Variants in PLD5 observed in about 807,000 individuals in gnomAD.
The protein encoded by PLD5 is phospholipase D family member 5.
PLD5 carries 36 observed loss-of-function variants against 61.1 expected under a neutral mutation model. The observed-to-expected ratio is 0.59, with a 90% CI of 0.45 to 0.78. The LOEUF (loss-of-function observed/expected upper bound fraction) is 0.78, where lower values mean the gene tolerates loss of function less well. Among genes scored for constraint, PLD5 ranks in the 30% least tolerant of loss-of-function variants. The pLI is 0.00. For synonymous variants in PLD5, 243 were observed against 242.8 expected (o/e 1.00, Z -0.01); for missense variants, 515 against 644.4 (o/e 0.80, Z 2.17).
intron 2 of PLD5, among the ~76,000 whole-genome samples, chr1:242,328,503 G>GTATGTGTTCTACATATT (rs1283978028): frequency 1.3e-5 from 2 of 152,010 alleles, no homozygotes; most frequent in African/African-American, 4.8e-5. Flanking sequence ...TTCTACATAT[G>GTATGTGTTCTACATATT]TATGTGTTCT....
At chr1:242,359,309 G>A (rs1310954168) in intron 1 of PLD5, among the ~76,000 whole-genome samples, 2 of 152,120 alleles carry the variant, frequency 1.3e-5, no homozygotes, top group Admixed American at 6.5e-5. Context: ...TTTTTTGACT[G>A]TAGAAACCAT....
intron 7 of PLD5, among the ~76,000 whole-genome samples, chr1:242,113,080 CTCTCTTTTTTT>C (rs1383454149): frequency 3.6e-5 from 4 of 110,556 alleles, no homozygotes; most frequent in Admixed American, 2.4e-4. Flanking sequence ...CTTTCTCTCT[CTCTCTTTTTTT>C]TTTTTTTTTT....
At chr1:242,458,754 G>C (rs996184171) in intron 1 of PLD5, among the ~76,000 whole-genome samples, 2 of 152,176 alleles carry the variant, frequency 1.3e-5, no homozygotes, top group African/African-American at 4.8e-5. Context: ...TTGTATACTT[G>C]TATTGACTCA....
At chr1:242,267,284 C>G (rs1223505687) in intron 3 of PLD5, among the ~76,000 whole-genome samples, 1 of 152,164 alleles carries the variant, frequency 6.6e-6, no homozygotes, top group African/African-American at 2.4e-5. Context: ...GCTGAGGTCA[C>G]AGCTGACAGC....
intron 2 of PLD5, among the ~76,000 whole-genome samples, chr1:242,314,285 C>G (rs571065198): frequency 3.3e-5 from 5 of 152,290 alleles, no homozygotes; most frequent in African/African-American, 1.2e-4. Context: ...AGCCAGATGG[C>G]TTTGCATTAA....
chr1:242,311,494 G>A (rs771968851), intron 2 of PLD5, among the ~76,000 whole-genome samples: 2 of 151,884 alleles, frequency 1.3e-5, no homozygotes, highest in Non-Finnish European at 2.9e-5. Flanking sequence ...GAGAACCACT[G>A]GTTAAGAGAA....
At chr1:242,130,328 A>G (rs1574355816) in intron 5 of PLD5, among the ~76,000 whole-genome samples, 1 of 152,328 alleles carries the variant, frequency 6.6e-6, no homozygotes, top group East Asian at 1.9e-4. Context: ...CTGGGATTAC[A>G]TGCATAAGCC....
intron 2 of PLD5, among the ~76,000 whole-genome samples, chr1:242,300,432 G>A (rs529959176): frequency 5.4e-5 from 8 of 147,566 alleles, no homozygotes; most frequent in South Asian, 2.3e-4. Context: ...GTGGGGTGGC[G>A]GGAGAGGAGG....
Position 242,245,579 on chromosome 1 carries a change from C to G in PLD5, c.607+19758G>C, listed in dbSNP as rs1672307606. 2.0e-5 allele frequency among the ~76,000 whole-genome samples: 3 copies of G among 152,312 alleles called. No homozygotes were observed. In the South Asian group the frequency reaches 6.2e-4, roughly 32 times the overall value. On this transcript the variant is annotated intron_variant, in intron 4 of 9. Transcript: ENST00000536534. ...CCTGTCAGAGTGAGTTAGGTCCTAT[C>G]TCTGCACACCTCCTCCTCAAAACTA...
At chr1:242,091,136 C>T (rs754585799) in intron 9 of PLD5, among the ~76,000 whole-genome samples, 5 of 152,042 alleles carry the variant, frequency 3.3e-5, no homozygotes, top group Non-Finnish European at 5.9e-5. Context: ...ACAAGGACAC[C>T]GGTCATATTA....
At chr1:242,294,921 T>A (rs1675564287) in intron 2 of PLD5, among the ~76,000 whole-genome samples, 1 of 152,236 alleles carries the variant, frequency 6.6e-6, no homozygotes, top group Non-Finnish European at 1.5e-5. Context: ...AAAGTGACTG[T>A]GAGCTTTCTT....
intron 5 of PLD5, among the ~76,000 whole-genome samples, chr1:242,140,603 C>T (rs1001999956): frequency 5.9e-5 from 9 of 152,154 alleles, no homozygotes; most frequent in Non-Finnish European, 1.3e-4. Context: ...CACCACCGCA[C>T]TCCAGCTTGA....
chr1:242,307,309 C>T (rs1676428392), intron 2 of PLD5, among the ~76,000 whole-genome samples: 1 of 151,924 alleles, frequency 6.6e-6, no homozygotes. Flanking sequence ...CATAAATACT[C>T]ATATAGTCAC....
At chr1:242,310,737 G>A (rs1676649746) in intron 2 of PLD5, among the ~76,000 whole-genome samples, 4 of 152,198 alleles carry the variant, frequency 2.6e-5, no homozygotes, top group African/African-American at 9.6e-5. Context: ...TGTGCTCCAA[G>A]TATGGCCAGG....
At chr1:242,511,240 T>C (rs1380858925) in intron 1 of PLD5, among the ~76,000 whole-genome samples, 2 of 152,020 alleles carry the variant, frequency 1.3e-5, no homozygotes. Flanking sequence ...ATCCCAGGGG[T>C]CTACGGATAT....
chr1:242,357,621 G>A (rs10926698), intron 1 of PLD5, among the ~76,000 whole-genome samples: 134,186 of 151,440 alleles, frequency 0.89, 60,871 homozygotes, highest in Non-Finnish European at 0.98. Flanking sequence ...GAGTAGCTGG[G>A]ATTACAGGTG....
At chr1:242,235,487 A>C (rs931782408) in intron 4 of PLD5, 1 of 152,244 alleles carries the variant, frequency 6.6e-6, no homozygotes, top group African/African-American at 2.4e-5. Context: ...TGAGAAACTC[A>C]GAAATTTCAA....
intron 1 of PLD5, among the ~76,000 whole-genome samples, chr1:242,398,175 G>A (rs1663711582): frequency 6.6e-6 from 1 of 152,184 alleles, no homozygotes; most frequent in South Asian, 2.1e-4. Context: ...AACTTACTAT[G>A]TGTTTATATC....
At chr1:242,397,993 T>C (rs1663696807) in intron 1 of PLD5, among the ~76,000 whole-genome samples, 1 of 152,170 alleles carries the variant, frequency 6.6e-6, no homozygotes, top group Admixed American at 6.5e-5. Flanking sequence ...GTCACAGATA[T>C]AGTTAAACTT....
Sources: gnomAD v4.1 joint callset for allele counts (sites outside exome capture counted in the v4.1 genomes callset) on GRCh38, gnomAD v4.1.1 for gene constraint, MANE v1.5 for transcripts, NCBI Gene and HGNC (gene_info 2026-07-23, HGNC 2026-07-21) for gene names.